The following TM9SF3 variants were observed in gnomAD, a reference collection of about 807,000 sequenced individuals.
TM9SF3 encodes the protein transmembrane 9 superfamily member 3.
Under a neutral mutation model 78.6 loss-of-function variants are expected in TM9SF3, and 14 were observed. The ratio of observed to expected loss-of-function variants is 0.18; its 90% confidence interval spans 0.12 to 0.28. TM9SF3 has a LOEUF of 0.28. TM9SF3 is among the 10% of genes least tolerant of loss of function. TM9SF3 has a pLI of 1.00. For synonymous variants in TM9SF3, 231 were observed against 241.7 expected, an observed-to-expected ratio of 0.96 and a Z score of 0.41; for missense variants, 496 against 721.9, an observed-to-expected ratio of 0.69 and a Z score of 3.59.
In TM9SF3 at chr10:96,527,960, TAGATTTC is replaced by T; in HGVS notation, c.1541+64_1541+70del. ...CTATACAGCTCTTTACTCCACTTGA[TAGATTTC>T]AAAGGAAATCTTATTTTAAAATATT... On this transcript the variant is annotated intron_variant, in intron 12 of 14. Transcript: ENST00000371142. The T allele has an allele frequency of 1.4e-6, 2 of 1,475,818 alleles. 1 individual carries two copies. The highest frequency in any genetic ancestry group is 3.6e-4 in the Middle Eastern group (2 of 5,572). 91.4% of individuals were successfully genotyped at this position (1,475,818 alleles called of 1,614,324 possible).
intron 2 of TM9SF3, among the ~76,000 whole-genome samples, chr10:96,569,840 T>C (rs1056353188): frequency 3.3e-5 from 5 of 152,174 alleles, no homozygotes; most frequent in African/African-American, 1.2e-4. Context: ...AAGACCATCC[T>C]GGCCAACATG....
intron 6 of TM9SF3, among the ~76,000 whole-genome samples, chr10:96,551,865 A>G (rs867052689): frequency 2.0e-4 from 31 of 152,318 alleles, no homozygotes; most frequent in African/African-American, 7.5e-4. Context: ...CCTAGAATCT[A>G]AGAAAACATA....
At chr10:96,532,853 A>G (rs1847913754) in intron 10 of TM9SF3, among the ~76,000 whole-genome samples, 198 bp downstream of exon 10, 1 of 152,224 alleles carries the variant, frequency 6.6e-6, no homozygotes, top group Non-Finnish European at 1.5e-5. Flanking sequence ...CGATATTCAG[A>G]AAGTGGAATA....
At chr10:96,542,796 T>A (rs892280535) in intron 9 of TM9SF3, among the ~76,000 whole-genome samples, 4 of 151,884 alleles carry the variant, frequency 2.6e-5, no homozygotes, top group Non-Finnish European at 1.5e-5. Context: ...AAAAAAAAAA[T>A]TTCCATTCTG....
intron 1 of TM9SF3, among the ~76,000 whole-genome samples, chr10:96,577,783 C>G (rs962585058): frequency 6.6e-6 from 1 of 152,066 alleles, no homozygotes; most frequent in East Asian, 1.9e-4. Context: ...AAGATGTGTT[C>G]CCTGTCCTAC....
chr10:96,557,942 AC>A (rs1350230294), intron 5 of TM9SF3, among the ~76,000 whole-genome samples: 4 of 152,230 alleles, frequency 2.6e-5, no homozygotes, highest in Admixed American at 2.6e-4. Context: ...CTTGACTAGA[AC>A]GTAAGTTCCT....
At chr10:96,532,681 C>T (rs184314975) in intron 10 of TM9SF3, among the ~76,000 whole-genome samples, 3 of 152,226 alleles carry the variant, frequency 2.0e-5, no homozygotes, top group East Asian at 3.9e-4. Context: ...AAAGCAGCCA[C>T]AGAGAATATG....
At chr10:96,583,963 G>A (rs150236977) in intron 1 of TM9SF3, among the ~76,000 whole-genome samples, 146 of 147,600 alleles carry the variant, frequency 9.9e-4, no homozygotes, top group African/African-American at 3.6e-3. Context: ...GAACCCAGGA[G>A]GCAGAGATTG....
intron 5 of TM9SF3, among the ~76,000 whole-genome samples, chr10:96,556,304 T>A (rs558489062): frequency 1.3e-5 from 2 of 152,358 alleles, no homozygotes; most frequent in Non-Finnish European, 2.9e-5. Context: ...TTACCTGCTA[T>A]GTGCCAAACA....
chr10:96,556,246 A>AT (rs56279426), intron 5 of TM9SF3, among the ~76,000 whole-genome samples: 151,044 of 152,308 alleles, frequency 0.99, 74,905 homozygotes, highest in Middle Eastern at 1. Flanking sequence ...TTTGTCATAA[A>AT]TTTAGAATGC....
At chr10:96,540,437 T>C (rs1848010580) in intron 9 of TM9SF3, among the ~76,000 whole-genome samples, 1 of 152,220 alleles carries the variant, frequency 6.6e-6, no homozygotes, top group Admixed American at 6.5e-5. Context: ...TAAAAGATCA[T>C]TTTTATGAGC....
chr10:96,579,097 C>A (rs1042531250), intron 1 of TM9SF3, among the ~76,000 whole-genome samples: 2 of 152,062 alleles, frequency 1.3e-5, no homozygotes, highest in African/African-American at 4.8e-5. Flanking sequence ...ACCTATTCAC[C>A]AAGGCAAATA....
chr10:96,549,816 TTAAAAAAAAA>T (rs1266644461), intron 7 of TM9SF3, among the ~76,000 whole-genome samples: 1 of 121,820 alleles, frequency 8.2e-6, no homozygotes, highest in Non-Finnish European at 1.7e-5. Flanking sequence ...CTTCTGCATT[TTAAAAAAAAA>T]AAAAAAAAAA....
chr10:96,532,293 A>G (rs1409989753), intron 10 of TM9SF3, among the ~76,000 whole-genome samples: 5 of 152,004 alleles, frequency 3.3e-5, no homozygotes, highest in African/African-American at 4.8e-5. Flanking sequence ...ATAAGCACCA[A>G]TCTAAGGAAA....
chr10:96,526,485 T>C (rs1455027548), intron 14 of TM9SF3, among the ~76,000 whole-genome samples: 1 of 152,186 alleles, frequency 6.6e-6, no homozygotes, highest in African/African-American at 2.4e-5. Context: ...TTTATCATAC[T>C]GTTTCCAAAA....
chr10:96,555,572 C>G (rs1564934540), intron 5 of TM9SF3, among the ~76,000 whole-genome samples: 2 of 152,110 alleles, frequency 1.3e-5, no homozygotes, highest in East Asian at 1.9e-4. Context: ...AGTCCAGGCT[C>G]TGTTATCCAC....
chr10:96,569,095 G>A (rs181534560), intron 2 of TM9SF3, among the ~76,000 whole-genome samples: 12 of 152,266 alleles, frequency 7.9e-5, no homozygotes, highest in African/African-American at 1.9e-4. Flanking sequence ...GGCTGAGGCC[G>A]GGGAGGTCGA....
At position 96,521,242 on chromosome 10, in the gene TM9SF3, A is replaced by C; in HGVS notation, c.*1021T>G. 9.3e-6 allele frequency: 2 copies of C among 214,110 alleles called. No individual in the cohort carries two copies. Among genetic ancestry groups the C allele is most frequent in the Non-Finnish European group, 9.2e-6 (1 of 108,406 alleles). The allele number at this position is 214,110 out of a possible 1,614,324, so 13.3% of individuals were successfully genotyped here. A position where few individuals can be genotyped will look rare whatever the true frequency, so the allele number is the denominator to read the frequency against. ...ACCCAAATCACACATTTCTACACCA[A>C]TCATCATAAGAAAAAAGTACTCTGT... On this transcript the variant is annotated 3_prime_UTR_variant, in exon 15 of 15. Transcript: ENST00000371142.
rs150353338 is a variant in TM9SF3, at chr10:96,519,975, T to G, written c.*2288A>C. The G allele has an allele frequency of 6.6e-6, 1 of 151,974 alleles. No homozygotes were observed. Among genetic ancestry groups the G allele is most frequent in the African/African-American group, 2.4e-5 (1 of 41,438 alleles). The allele number at this position is 151,974 out of a possible 1,614,324, so 9.4% of individuals were successfully genotyped here. A position where few individuals can be genotyped will look rare whatever the true frequency, so the allele number is the denominator to read the frequency against. On this transcript the variant is annotated 3_prime_UTR_variant, in exon 15 of 15. Coordinates refer to ENST00000371142, the MANE Select transcript of TM9SF3 (RefSeq NM_020123.4). Reference sequence around the variant, plus strand: ...ATAGAGCTCAATTTAGTAGAAAGAATTGGTGTACCTGAAAGCATTTAACCC... The same window carrying G: ...ATAGAGCTCAATTTAGTAGAAAGAAGTGGTGTACCTGAAAGCATTTAACCC...
Sources: allele counts gnomAD v4.1 joint callset (sites outside exome capture counted in the v4.1 genomes callset), GRCh38; gene constraint gnomAD v4.1.1; transcripts MANE v1.5; gene names NCBI Gene and HGNC (gene_info 2026-07-23, HGNC 2026-07-21).